The following CCDC12 variants were observed in gnomAD, a reference collection of about 807,000 sequenced individuals.
CCDC12 encodes coiled-coil domain-containing protein 12.
Under a neutral mutation model 25.7 loss-of-function variants are expected in CCDC12, and 28 were observed. The observed-to-expected ratio is 1.09, with a 90% CI of 0.81 to 1.50. The LOEUF (loss-of-function observed/expected upper bound fraction) is 1.50, where lower values mean the gene tolerates loss of function less well. Among genes scored for constraint, CCDC12 ranks in the 40% most tolerant of loss-of-function variants. The probability of loss-of-function intolerance (pLI) is 0.00; values close to 1 mark genes in which losing one functional copy is unlikely to be tolerated. For synonymous variants in CCDC12, 75 were observed against 87.7 expected (o/e 0.86, Z 0.81); for missense variants, 198 against 210.0 (o/e 0.94, Z 0.35).
chr3:46,935,097 GCACACA>G (rs2033391375), intron 2 of CCDC12, among the ~76,000 whole-genome samples: 2 of 152,338 alleles, frequency 1.3e-5, no homozygotes, highest in Middle Eastern at 3.4e-3. Context: ...AGAGGGTCAT[GCACACA>G]TTGAGCTGGG....
rs748772990 is a variant in CCDC12 at position 46,922,063 on chromosome 3, G to A, written c.495C>T (p.Ser165=). The A allele has an allele frequency of 1.5e-5, 24 of 1,613,874 alleles. No homozygotes were observed. In the East Asian group the frequency reaches 1.6e-4, roughly 10 times the overall value. Residue 165 remains serine (S), a synonymous_variant, in exon 7 of 7, where the codon TCC becomes TCT. Coordinates refer to ENST00000683445, the MANE Select transcript of CCDC12 (RefSeq NM_001277074.2). ...TGGTGGGGCAGGGCATGCCTCAGTC[G>A]GAGTCACAGGTCTTTTGTTCGGTGG... ...DAATEQKTCD[S]D is the part of the protein sequence containing the mutation.
intron 1 of CCDC12, 137 bp downstream of exon 1, chr3:46,976,500 C>T: frequency 7.0e-7 from 1 of 1,438,568 alleles, no homozygotes; most frequent in Middle Eastern, 2.5e-4. Flanking sequence ...GCGCCGTCTT[C>T]TCGCGCATGC....
chr3:46,929,240 C>T (rs2033104321), intron 2 of CCDC12, among the ~76,000 whole-genome samples: 1 of 152,000 alleles, frequency 6.6e-6, no homozygotes, highest in African/African-American at 2.4e-5. Flanking sequence ...GGGAAAACAG[C>T]ATACAATTAA....
chr3:46,923,414 G>T, intron 4 of CCDC12, 51 bp from the exon 5 acceptor site: 8 of 1,556,066 alleles, frequency 5.1e-6, no homozygotes, highest in Non-Finnish European at 6.1e-6. Flanking sequence ...CCCAGGACAA[G>T]GGGGAGGGCA....
upstream of CCDC12, chr3:46,979,842 G>GGCCGGA (rs764010884): frequency 1.2e-3 from 512 of 441,060 alleles, 2 homozygotes; most frequent in South Asian, 3.7e-3. Flanking sequence ...CGCGCAGCAG[G>GGCCGGA]GCCGGAGCCG....
At chr3:46,949,940 C>T (rs552962012) in intron 1 of CCDC12, among the ~76,000 whole-genome samples, 1 of 150,950 alleles carries the variant, frequency 6.6e-6, no homozygotes, top group African/African-American at 2.4e-5. Flanking sequence ...GGCAGGAGAA[C>T]TGCTCGAACC....
At chr3:46,970,574 T>G (rs1365467069) in intron 1 of CCDC12, among the ~76,000 whole-genome samples, 2 of 152,184 alleles carry the variant, frequency 1.3e-5, no homozygotes, top group African/African-American at 4.8e-5. Context: ...AACCAGGAAT[T>G]GCTGGTTGCC....
In CCDC12 at chr3:46,922,105, G is replaced by A; in HGVS notation, c.453C>T (p.Ala151=). ...ERLKGQEDSL[A]SAVDAATEQK... ...GTTCGGTGGCAGCATCCACTGCAGA[G>A]GCTAGGCTGTCTTCCTGGCCTTTCA... is the stretch of plus-strand genomic sequence containing the variant. Residue 151 remains alanine, a synonymous_variant, in exon 7 of 7, where the codon GCC becomes GCT. Transcript: ENST00000683445. The A allele has an allele frequency of 6.2e-7, 1 of 1,614,254 alleles. No individual in the cohort carries two copies. The highest frequency in any genetic ancestry group is 1.3e-5 in the African/African-American group (1 of 75,062).
intron 1 of CCDC12, among the ~76,000 whole-genome samples, chr3:46,960,916 G>A (rs2034443660): frequency 6.6e-6 from 1 of 152,016 alleles, no homozygotes; most frequent in Admixed American, 6.6e-5. Context: ...TATGAGATAT[G>A]TATTGGTGTA....
chr3:46,930,409 G>A (rs2033158777), intron 2 of CCDC12, among the ~76,000 whole-genome samples: 1 of 152,238 alleles, frequency 6.6e-6, no homozygotes, highest in Non-Finnish European at 1.5e-5. Context: ...CCTAGCCAAA[G>A]GGAAGCAGAG....
In CCDC12 at chr3:46,932,952, A is replaced by C. The variant is rs887831566; in HGVS notation, c.165-7417T>G. Among the ~76,000 whole-genome samples, 5 of 152,234 alleles carry C rather than the reference A, an allele frequency of 3.3e-5. No individual in the cohort carries two copies. The South Asian group carries it at 1.0e-3, about 31-fold the overall frequency. On this transcript the variant is annotated intron_variant, in intron 2 of 6. Transcript: ENST00000683445. ...GTGCCAGAGTTGAAGGAAGAGCCGG[A>C]GGCAGAATCCACACCCTGCTCTCTG...
At chr3:46,955,344 G>C (rs981478466) in intron 1 of CCDC12, among the ~76,000 whole-genome samples, 9 of 152,220 alleles carry the variant, frequency 5.9e-5, no homozygotes, top group African/African-American at 1.9e-4. Context: ...ACTAAAGCAA[G>C]ATGGCTGCCC....
chr3:46,921,898 A>T lies in CCDC12; in HGVS notation c.*159T>A. ...GAATGGCAGGGGCCACCCAGCAGACAAGGAGCTGACCTCATCCATGGGGGT... is the reference window on the plus strand; with the variant it reads ...GAATGGCAGGGGCCACCCAGCAGACTAGGAGCTGACCTCATCCATGGGGGT... On this transcript the variant is annotated 3_prime_UTR_variant, in exon 7 of 7. Coordinates refer to ENST00000683445, the MANE Select transcript of CCDC12 (RefSeq NM_001277074.2). 1 of 711,750 alleles carries T rather than the reference A, an allele frequency of 1.4e-6. No homozygotes were observed. The highest frequency in any genetic ancestry group is 2.3e-6 in the Non-Finnish European group (1 of 430,802). The allele number at this position is 711,750 out of a possible 1,614,324, so 44.1% of individuals were successfully genotyped here. A position where few individuals can be genotyped will look rare whatever the true frequency, so the allele number is the denominator to read the frequency against.
intron 5 of CCDC12, 120 bp downstream of exon 5, chr3:46,923,209 C>T: frequency 2.8e-6 from 3 of 1,056,150 alleles, no homozygotes; most frequent in Middle Eastern, 3.4e-4. Context: ...TCTCGTGTAA[C>T]TCTATGTCTG....
chr3:46,939,704 C>G (rs2033616548), intron 2 of CCDC12, among the ~76,000 whole-genome samples: 1 of 152,218 alleles, frequency 6.6e-6, no homozygotes, highest in African/African-American at 2.4e-5. Flanking sequence ...AAGCATAGAG[C>G]TGGTAGCATG....
intron 1 of CCDC12, chr3:46,976,409 T>C (rs2034991732): frequency 4.9e-6 from 7 of 1,417,160 alleles, no homozygotes; most frequent in Middle Eastern, 2.6e-4. Context: ...GACCACTGCC[T>C]TGCCCACCCC....
At chr3:46,975,169 A>C (rs2034927125) in intron 1 of CCDC12, among the ~76,000 whole-genome samples, 1 of 151,912 alleles carries the variant, frequency 6.6e-6, no homozygotes, top group Non-Finnish European at 1.5e-5. Flanking sequence ...GAAAGAACTA[A>C]GGCCCTCTTC....
intron 2 of CCDC12, among the ~76,000 whole-genome samples, chr3:46,936,048 G>A (rs9883909): frequency 0.98 from 148,685 of 152,310 alleles, 72,687 homozygotes; most frequent in East Asian, 1. Flanking sequence ...CAGGCGAGTG[G>A]CTCTTCAAGA....
At chr3:46,931,545 G>A (rs528018900) in intron 2 of CCDC12, among the ~76,000 whole-genome samples, 13 of 152,278 alleles carry the variant, frequency 8.5e-5, no homozygotes, top group East Asian at 7.7e-4. Context: ...CCTTTGGGGC[G>A]CTAGCCTCCC....
Sources: allele counts gnomAD v4.1 joint callset (sites outside exome capture counted in the v4.1 genomes callset), GRCh38; gene constraint gnomAD v4.1.1; transcripts MANE v1.5; gene names NCBI Gene and HGNC (gene_info 2026-07-23, HGNC 2026-07-21).